RERE: variants seen among roughly 807,000 people sequenced by gnomAD.
RERE encodes the protein arginine-glutamic acid dipeptide repeats.
In RERE, 40 loss-of-function variants were observed where a neutral mutation model predicts 146.1. That is an observed-to-expected ratio of 0.27 (90% CI 0.21 to 0.36). RERE has a LOEUF of 0.36. RERE is among the 10% of genes least tolerant of loss of function. The probability of loss-of-function intolerance (pLI) is 1.00; values close to 1 mark genes in which losing one functional copy is unlikely to be tolerated. For synonymous variants in RERE, 1,003 were observed against 866.0 expected, an observed-to-expected ratio of 1.16 and a Z score of -2.78; for missense variants, 1,933 against 2,138.7, an observed-to-expected ratio of 0.90 and a Z score of 1.90.
intron 4 of RERE, among the ~76,000 whole-genome samples, chr1:8,565,210 G>A (rs556185574): frequency 1.3e-5 from 2 of 152,210 alleles, no homozygotes; most frequent in Admixed American, 6.5e-5. Context: ...ATTGGTAAGA[G>A]AGTAAATTTC....
chr1:8,584,708 C>T (rs1646405923), intron 4 of RERE, among the ~76,000 whole-genome samples: 1 of 152,132 alleles, frequency 6.6e-6, no homozygotes, highest in South Asian at 2.1e-4. Context: ...AAAATGCAGA[C>T]ATTCTATTAT....
chr1:8,360,756 G>T lies in RERE; in HGVS notation c.2751C>A (p.Pro917=). 1 of 1,601,310 alleles carries T rather than the reference G, an allele frequency of 6.2e-7. No homozygotes were observed. Among genetic ancestry groups the T allele is most frequent in the Non-Finnish European group, 8.5e-7 (1 of 1,177,310 alleles). ...LQSQQPPREQ[P]LPPAPLAMPH... Reference sequence around the variant, plus strand: ...GCATGGCCAAGGGCGCTGGTGGCAGGGGCTGCTCCCGTGGAGGCTGTTGGG... The same window carrying T: ...GCATGGCCAAGGGCGCTGGTGGCAGTGGCTGCTCCCGTGGAGGCTGTTGGG... The change falls in exon 18 of 23, where the codon CCC becomes CCA. Residue 917 remains proline, a synonymous_variant. Coordinates refer to ENST00000400908, the MANE Select transcript of RERE (RefSeq NM_001042681.2).
chr1:8,575,409 T>C (rs1219133988), intron 4 of RERE, among the ~76,000 whole-genome samples: 1 of 148,386 alleles, frequency 6.7e-6, no homozygotes, highest in Non-Finnish European at 1.5e-5. Flanking sequence ...TTAAAGACAC[T>C]GTTTTGCTGT....
intron 1 of RERE, among the ~76,000 whole-genome samples, chr1:8,660,245 A>G (rs187677453): frequency 6.6e-6 from 1 of 152,322 alleles, no homozygotes; most frequent in East Asian, 1.9e-4. Context: ...CATATGAATT[A>G]TAATTCTTCT....
intron 1 of RERE, among the ~76,000 whole-genome samples, chr1:8,794,951 C>T (rs1641438945): frequency 6.6e-6 from 1 of 151,986 alleles, no homozygotes; most frequent in Non-Finnish European, 1.5e-5. Flanking sequence ...TAGCCAGAAC[C>T]ATAAGAATGC....
At chr1:8,508,461 G>A (rs1379810648) in intron 8 of RERE, among the ~76,000 whole-genome samples, 166 bp downstream of exon 8, 2 of 152,128 alleles carry the variant, frequency 1.3e-5, no homozygotes, top group Non-Finnish European at 2.9e-5. Flanking sequence ...ATGGGAGATG[G>A]TAAATGTATG....
At chr1:8,703,537 CTGCAAT>C (rs1639503429) in intron 1 of RERE, among the ~76,000 whole-genome samples, 1 of 152,174 alleles carries the variant, frequency 6.6e-6, no homozygotes, top group Non-Finnish European at 1.5e-5. Flanking sequence ...ACAATGCCAG[CTGCAAT>C]TTTATCTCCT....
At chr1:8,697,686 C>T (rs1639363813) in intron 1 of RERE, among the ~76,000 whole-genome samples, 1 of 152,238 alleles carries the variant, frequency 6.6e-6, no homozygotes, top group Non-Finnish European at 1.5e-5. Flanking sequence ...CCACACCCAA[C>T]CTACCACACA....
intron 12 of RERE, among the ~76,000 whole-genome samples, chr1:8,414,782 A>AG (rs1282194523): frequency 6.6e-6 from 1 of 152,100 alleles, no homozygotes; most frequent in South Asian, 2.1e-4. Flanking sequence ...TCCCAAAGGA[A>AG]GGTTGCTCCT....
intron 2 of RERE, among the ~76,000 whole-genome samples, chr1:8,646,499 T>C (rs1400486119): frequency 6.6e-6 from 1 of 151,218 alleles, no homozygotes; most frequent in African/African-American, 2.4e-5. Context: ...GTCACTGCAC[T>C]GTTGTCTGGA....
At chr1:8,663,518 G>A (rs960564790) in intron 1 of RERE, among the ~76,000 whole-genome samples, 10 of 152,108 alleles carry the variant, frequency 6.6e-5, no homozygotes, top group Non-Finnish European at 1.5e-4. Flanking sequence ...CATCCCTCAT[G>A]CAGATGAATA....
chr1:8,490,131 G>C (rs1644960577), intron 10 of RERE, among the ~76,000 whole-genome samples: 1 of 151,646 alleles, frequency 6.6e-6, no homozygotes, highest in Non-Finnish European at 1.5e-5. Flanking sequence ...GGGAGGCCAA[G>C]GCGGGCGGAT....
chr1:8,558,547 T>G (rs905944322), intron 4 of RERE, among the ~76,000 whole-genome samples: 3 of 152,222 alleles, frequency 2.0e-5, no homozygotes, highest in Admixed American at 2.0e-4. Flanking sequence ...ATTCAAGAAA[T>G]GCCTCATGTT....
At chr1:8,498,732 TACACACACACACACACACAC>T (rs1553175300) in intron 8 of RERE, among the ~76,000 whole-genome samples, 1 of 107,836 alleles carries the variant, frequency 9.3e-6, no homozygotes, top group Non-Finnish European at 1.8e-5. Flanking sequence ...AATAAATATA[TACACACACACACACACACAC>T]ACACACACAC....
At chr1:8,766,546 CAAAAA>C (rs60530407) in intron 1 of RERE, among the ~76,000 whole-genome samples, 1 of 66,018 alleles carries the variant, frequency 1.5e-5, no homozygotes, top group African/African-American at 5.6e-5. Context: ...GACTCCATTG[CAAAAA>C]AAAAAAAAAA....
At chr1:8,644,353 A>G (rs1647229702) in intron 2 of RERE, among the ~76,000 whole-genome samples, 1 of 152,158 alleles carries the variant, frequency 6.6e-6, no homozygotes, top group Non-Finnish European at 1.5e-5. Context: ...TGTGGTTGGA[A>G]CGGTCAGTAG....
At chr1:8,732,084 T>C (rs1231306567) in intron 1 of RERE, among the ~76,000 whole-genome samples, 4 of 152,192 alleles carry the variant, frequency 2.6e-5, no homozygotes, top group Admixed American at 1.3e-4. Flanking sequence ...ATTATAGGCA[T>C]GAGCCACCAC....
At chr1:8,459,405 G>A (rs182677933) in intron 11 of RERE, among the ~76,000 whole-genome samples, 24 of 152,252 alleles carry the variant, frequency 1.6e-4, no homozygotes, top group Admixed American at 1.6e-3. Context: ...TAAAACTGGA[G>A]GAAGGGTGGT....
At chr1:8,786,954 T>C (rs1216546226) in intron 1 of RERE, 20 of 668,360 alleles carry the variant, frequency 3.0e-5, no homozygotes, top group Non-Finnish European at 4.8e-5. Context: ...CTGGTAAAGA[T>C]CGCAGTCTAA....
Sources: allele counts gnomAD v4.1 joint callset (sites outside exome capture counted in the v4.1 genomes callset), GRCh38; gene constraint gnomAD v4.1.1; transcripts MANE v1.5; gene names NCBI Gene and HGNC (gene_info 2026-07-23, HGNC 2026-07-21).